Variants in BCAS3 observed in about 807,000 individuals in gnomAD.
BCAS3 encodes BCAS3 microtubule associated cell migration factor, also known as BCAS4/BCAS3 fusion.
In BCAS3, 53 loss-of-function variants were observed where a neutral mutation model predicts 116.1. The observed-to-expected ratio is 0.46, with a 90% CI of 0.37 to 0.57. The LOEUF is 0.57. Ranked by LOEUF, BCAS3 falls within the 20% of genes least tolerant of loss-of-function variation. The pLI, the probability that BCAS3 is intolerant of heterozygous loss-of-function variation, is 0.00. For missense variants in BCAS3, 917 were observed against 1,165.4 expected (o/e 0.79, Z 3.10); for synonymous variants, 391 against 408.2 (o/e 0.96, Z 0.51).
chr17:61,382,208 A>G, intron 23 of BCAS3, among the ~76,000 whole-genome samples: 1 of 151,510 alleles, frequency 6.6e-6, no homozygotes, highest in Non-Finnish European at 1.5e-5. Context: ...CGTGCCTGTA[A>G]TCCCAGCTAC....
intron 7 of BCAS3, among the ~76,000 whole-genome samples, chr17:60,853,569 T>A (rs2053375627): frequency 2.0e-5 from 3 of 152,212 alleles, no homozygotes; most frequent in Non-Finnish European, 4.4e-5. Flanking sequence ...ACAAACATTC[T>A]TTCAGCTTGA....
At position 61,239,697 on chromosome 17, in the gene BCAS3, T is replaced by C. The variant is rs936491463; in HGVS notation, c.2426-128630T>C. 6.6e-6 allele frequency among the ~76,000 whole-genome samples: 1 copy of C among 152,218 alleles called. No individual in the cohort carries two copies. Among genetic ancestry groups the C allele is most frequent in the African/African-American group, 2.4e-5 (1 of 41,436 alleles). On this transcript the variant is annotated intron_variant, in intron 22 of 23. Coordinates refer to ENST00000407086, the MANE Select transcript of BCAS3 (RefSeq NM_017679.5). The surrounding 1 kb of genome is among the most constrained non-coding windows in gnomAD (Gnocchi z 4.2). ...TAAAGTTGGCTTTCAGAGATTAGTTTTTTCCTACTTAAAATTAAGAACTTA... is the reference window on the plus strand; with the variant it reads ...TAAAGTTGGCTTTCAGAGATTAGTTCTTTCCTACTTAAAATTAAGAACTTA...
rs2058620939 is a variant in BCAS3, at chr17:61,364,392, T to A, written c.2426-3935T>A. On this transcript the variant is annotated intron_variant, in intron 22 of 23. Transcript: ENST00000407086. This position sits in a 1 kb window ranked among gnomAD's most constrained non-coding sequence, Gnocchi z 5.4. ...TTGAAGGTGACAGGAGTTCTCAAAATGGTAGGAAAGATAGAAGTGGTTTAC... is the reference window on the plus strand; with the variant it reads ...TTGAAGGTGACAGGAGTTCTCAAAAAGGTAGGAAAGATAGAAGTGGTTTAC... 6.6e-6 allele frequency among the ~76,000 whole-genome samples: 1 copy of A among 152,144 alleles called. No homozygotes were observed. Among genetic ancestry groups the A allele is most frequent in the South Asian group, 2.1e-4 (1 of 4,828 alleles).
At chr17:60,802,373 T>TAC (rs2047892447) in intron 6 of BCAS3, among the ~76,000 whole-genome samples, 1 of 146,104 alleles carries the variant, frequency 6.8e-6, no homozygotes, top group Non-Finnish European at 1.5e-5. Context: ...CATACATACA[T>TAC]ATATATATAT....
intron 22 of BCAS3, among the ~76,000 whole-genome samples, chr17:61,301,952 A>C (rs1311470854): frequency 6.6e-6 from 1 of 152,208 alleles, no homozygotes; most frequent in Non-Finnish European, 1.5e-5. Context: ...GCATATTTTC[A>C]TATCAATGAA....
chr17:60,910,803 G>A (rs2058452938), intron 12 of BCAS3, 101 bp downstream of exon 12: 3 of 1,032,200 alleles, frequency 2.9e-6, no homozygotes, highest in East Asian at 5.6e-5. Flanking sequence ...TTATCAATTT[G>A]GAATTTTAGG....
At chr17:60,748,835 T>A (rs1476898813) in intron 6 of BCAS3, 2 of 152,226 alleles carry the variant, frequency 1.3e-5, no homozygotes, top group Non-Finnish European at 2.9e-5. Flanking sequence ...AAAAACATAT[T>A]GTTAGATTTA....
At position 61,388,798 on chromosome 17, in the gene BCAS3, C is replaced by T. The variant is rs555076307; in HGVS notation, c.2594-3179C>T. On this transcript the variant is annotated intron_variant, in intron 23 of 23. Transcript: ENST00000407086. The surrounding 1 kb of genome is among the most constrained non-coding windows in gnomAD (Gnocchi z 6.5). ...GGGGAATCTGAGCAGCCCTCCTCCC[C>T]TCCACTTCCCACACACACCCCTGCC... 5 of 1,205,374 alleles carry T rather than the reference C, an allele frequency of 4.1e-6. No individual in the cohort carries two copies. Among genetic ancestry groups the T allele is most frequent in the Middle Eastern group, 2.2e-4 (1 of 4,514 alleles). The allele number at this position is 1,205,374 out of a possible 1,614,324, so 74.7% of individuals were successfully genotyped here. A position where few individuals can be genotyped will look rare whatever the true frequency, so the allele number is the denominator to read the frequency against.
At position 61,204,558 on chromosome 17, in the gene BCAS3, A is replaced by T. The variant is rs143003897; in HGVS notation, c.2425+119994A>T. Reference sequence around the variant, plus strand: ...AATGTGTTGTTGCTTCATCATTGTAACTTTCTTAAAAACAGAATTTATAGC... The same window carrying T: ...AATGTGTTGTTGCTTCATCATTGTATCTTTCTTAAAAACAGAATTTATAGC... On this transcript the variant is annotated intron_variant, in intron 22 of 23. Transcript: ENST00000407086. The surrounding 1 kb of genome is among the most constrained non-coding windows in gnomAD (Gnocchi z 4.2). 1.5e-3 allele frequency among the ~76,000 whole-genome samples: 233 copies of T among 152,288 alleles called. 1 individual carries two copies. Among genetic ancestry groups the T allele is most frequent in the Middle Eastern group, 6.8e-3 (2 of 294 alleles).
At chr17:60,828,997 G>T (rs1158801126) in intron 7 of BCAS3, among the ~76,000 whole-genome samples, 1 of 152,062 alleles carries the variant, frequency 6.6e-6, no homozygotes, top group Non-Finnish European at 1.5e-5. Context: ...CCTATAATTT[G>T]CAGATCAGCC....
chr17:61,178,317 A>C (rs1481833299), intron 22 of BCAS3, among the ~76,000 whole-genome samples: 1 of 152,214 alleles, frequency 6.6e-6, no homozygotes, highest in Non-Finnish European at 1.5e-5. Context: ...GATCTGATGT[A>C]CAAGCAGAAG....
intron 22 of BCAS3, among the ~76,000 whole-genome samples, chr17:61,154,042 C>G (rs951396449): frequency 1.3e-5 from 2 of 152,154 alleles, no homozygotes; most frequent in African/African-American, 4.8e-5. Flanking sequence ...TGAAGGGAAG[C>G]AAGGTTGAGG....
chr17:60,701,107 G>A (rs1368208662), intron 4 of BCAS3, among the ~76,000 whole-genome samples: 1 of 152,002 alleles, frequency 6.6e-6, no homozygotes, highest in African/African-American at 2.4e-5. Flanking sequence ...AGCCAGGCGT[G>A]GTGACGCACA....
rs1436827006 is a variant in BCAS3 at position 61,083,971 on chromosome 17, C to T, written c.2328-496C>T. 2.0e-5 allele frequency among the ~76,000 whole-genome samples: 3 copies of T among 152,066 alleles called. No homozygotes were observed. The highest frequency in any genetic ancestry group is 2.1e-4 in the South Asian group (1 of 4,828). The stretch of plus-strand genomic sequence containing the variant: ...GTACATCTTTGTTATCCTATGCTTA[C>T]TGTCAGATATAAAGTAACTTTCATT... On this transcript the variant is annotated intron_variant, in intron 21 of 23. Coordinates refer to ENST00000407086, the MANE Select transcript of BCAS3 (RefSeq NM_017679.5). This position sits in a 1 kb window ranked among gnomAD's most constrained non-coding sequence, Gnocchi z 4.9.
chr17:60,731,818 G>A lies in BCAS3; in HGVS notation c.322-15380G>A, dbSNP rs999802312. ...TTTTGAGGCAGAGTCTCATTTTGTCGCCCAGGCTGGAGTGCAGTGGCATGA... is the reference window on the plus strand; with the variant it reads ...TTTTGAGGCAGAGTCTCATTTTGTCACCCAGGCTGGAGTGCAGTGGCATGA... On this transcript the variant is annotated intron_variant, in intron 5 of 23. Coordinates refer to ENST00000407086, the MANE Select transcript of BCAS3 (RefSeq NM_017679.5). Among the ~76,000 whole-genome samples the A allele has an allele frequency of 2.2e-5, 3 of 139,342 alleles. No individual in the cohort carries two copies. The Admixed American group carries it at 2.2e-4, about 10-fold the overall frequency. The allele number at this position is 139,342 out of a possible 152,430, so 91.4% of individuals were successfully genotyped here.
intron 22 of BCAS3, among the ~76,000 whole-genome samples, chr17:61,350,395 A>C (rs533987923): frequency 6.7e-6 from 1 of 150,222 alleles, no homozygotes; most frequent in Non-Finnish European, 1.5e-5. Flanking sequence ...AGCCTGGGCG[A>C]CAGAGCGAGA....
chr17:60,830,486 A>T (rs1381817752), intron 7 of BCAS3, among the ~76,000 whole-genome samples: 2 of 152,214 alleles, frequency 1.3e-5, no homozygotes, highest in Non-Finnish European at 2.9e-5. Context: ...AGGAAAGGTC[A>T]TGCTAAGTGA....
chr17:61,385,701 C>G (rs2059813044), intron 23 of BCAS3, among the ~76,000 whole-genome samples: 1 of 152,268 alleles, frequency 6.6e-6, no homozygotes. Context: ...ACCCCGGAAC[C>G]CAGCCCCAGC....
chr17:61,105,959 C>T lies in BCAS3; in HGVS notation c.2425+21395C>T, dbSNP rs2074620566. On this transcript the variant is annotated intron_variant, in intron 22 of 23. Transcript: ENST00000407086. This position sits in a 1 kb window ranked among gnomAD's most constrained non-coding sequence, Gnocchi z 4.3. ...TAGCCTGGTGAAATCTTACAGCATC[C>T]CTCCCAGACCGTGAATCATCCCTTT... Among the ~76,000 whole-genome samples, 1 of 152,078 alleles carries T rather than the reference C, an allele frequency of 6.6e-6. No homozygotes were observed. The highest frequency in any genetic ancestry group is 2.1e-4 in the South Asian group (1 of 4,826).
Sources: gnomAD v4.1 joint callset for allele counts (sites outside exome capture counted in the v4.1 genomes callset) on GRCh38, gnomAD v4.1.1 for gene constraint, Gnocchi (gnomAD v3.1) non-coding constraint, MANE v1.5 for transcripts, NCBI Gene and HGNC (gene_info 2026-07-23, HGNC 2026-07-21) for gene names.